The following MYO1D variants were observed in gnomAD, a reference collection of about 807,000 sequenced individuals.
The protein encoded by MYO1D is unconventional myosin-Id.
A neutral mutation model predicts 122.0 loss-of-function variants in MYO1D; 83 were observed. The observed-to-expected ratio is 0.68, with a 90% confidence interval of 0.57 to 0.82. MYO1D has a LOEUF of 0.82. Among genes scored for constraint, MYO1D ranks in the 40% least tolerant of loss-of-function variants. The pLI is 0.00. For synonymous variants in MYO1D, 464 were observed against 446.9 expected, an observed-to-expected ratio of 1.04 and a Z score of -0.48; for missense variants, 1,157 against 1,269.5, an observed-to-expected ratio of 0.91 and a Z score of 1.35.
intron 1 of MYO1D, among the ~76,000 whole-genome samples, chr17:32,842,202 G>A (rs1715969321): frequency 6.6e-6 from 1 of 152,100 alleles, no homozygotes; most frequent in South Asian, 2.1e-4. Flanking sequence ...GTTTAAGACT[G>A]GGAAGACAGG....
chr17:32,809,871 C>A (rs1022590966), intron 1 of MYO1D, among the ~76,000 whole-genome samples: 3 of 152,316 alleles, frequency 2.0e-5, no homozygotes, highest in Non-Finnish European at 2.9e-5. Context: ...GTCAGGTGAG[C>A]TAATAATCTA....
intron 8 of MYO1D, among the ~76,000 whole-genome samples, chr17:32,761,328 T>C (rs2089999882): frequency 6.6e-6 from 1 of 152,156 alleles, no homozygotes; most frequent in Non-Finnish European, 1.5e-5. Context: ...TACATCCTAT[T>C]ACTCCATTGA....
intron 14 of MYO1D, among the ~76,000 whole-genome samples, chr17:32,721,472 G>A (rs926660363): frequency 8.5e-5 from 13 of 152,154 alleles, no homozygotes; most frequent in African/African-American, 3.1e-4. Context: ...CGTAAAGATC[G>A]AGTTTCTGTG....
Position 32,629,181 on chromosome 17 carries a change from G to A in MYO1D, c.2709+9541C>T, listed in dbSNP as rs372788375. ...ACATTCTAGAAAAGGCACAACTGTA[G>A]AGACAGTAAAATGATAGTGGTTCCC... On this transcript the variant is annotated intron_variant, in intron 20 of 21. Transcript: ENST00000318217. Among the ~76,000 whole-genome samples, 18 of 152,294 alleles carry A rather than the reference G, an allele frequency of 1.2e-4. No homozygotes were observed. The South Asian group carries it at 1.2e-3, about 11-fold the overall frequency.
chr17:32,632,751 G>C (rs2088038070), intron 20 of MYO1D, among the ~76,000 whole-genome samples: 1 of 151,894 alleles, frequency 6.6e-6, no homozygotes, highest in Non-Finnish European at 1.5e-5. Context: ...GTTGGGAGGA[G>C]GTAAGACGGA....
intron 16 of MYO1D, among the ~76,000 whole-genome samples, chr17:32,697,748 T>G (rs2089191635): frequency 6.6e-6 from 1 of 152,204 alleles, no homozygotes; most frequent in Non-Finnish European, 1.5e-5. Context: ...TACTGTATCT[T>G]AGTCCACATA....
chr17:32,553,939 C>A (rs225185), intron 21 of MYO1D, among the ~76,000 whole-genome samples: 128,427 of 152,160 alleles, frequency 0.84, 54,714 homozygotes, highest in East Asian at 1. Context: ...AAAATAAGTA[C>A]GTTCTAACAT....
rs2087612693 is a variant in MYO1D at position 32,605,230 on chromosome 17, C to T, written c.2721G>A (p.Leu907=). 2 of 1,557,572 alleles carry T rather than the reference C, an allele frequency of 1.3e-6. No homozygotes were observed. The highest frequency in any genetic ancestry group is 1.8e-6 in the Non-Finnish European group (2 of 1,140,850). ...KTIPLYNLTG[L]SVSNGKDQLV... is the part of the protein sequence containing the mutation. ...GTTGGTCCTTTCCATTGGAGACACT[C>T]AGACCAGTCAACTGCAAAGAGAAAA... The change falls in exon 21 of 22, where the codon CTG becomes CTA. Residue 907 remains leucine, a synonymous_variant. Coordinates refer to ENST00000318217, the MANE Select transcript of MYO1D (RefSeq NM_015194.3).
intron 2 of MYO1D, among the ~76,000 whole-genome samples, chr17:32,780,308 T>C (rs1269818004): frequency 6.6e-6 from 1 of 152,176 alleles, no homozygotes; most frequent in Non-Finnish European, 1.5e-5. Flanking sequence ...GTGTTTGAGA[T>C]GGAAACATTT....
chr17:32,655,635 A>G (rs920532143), intron 17 of MYO1D, among the ~76,000 whole-genome samples: 2 of 152,194 alleles, frequency 1.3e-5, no homozygotes, highest in Non-Finnish European at 1.5e-5. Context: ...TTGGTGCGTC[A>G]GAGGAGCAGT....
intron 19 of MYO1D, among the ~76,000 whole-genome samples, chr17:32,640,620 C>A (rs1015140793): frequency 6.7e-6 from 1 of 150,118 alleles, no homozygotes; most frequent in Admixed American, 6.6e-5. Context: ...ATGATGATTT[C>A]CAATTTCATC....
intron 12 of MYO1D, among the ~76,000 whole-genome samples, chr17:32,747,241 T>G (rs1350168167): frequency 6.6e-6 from 1 of 152,204 alleles, no homozygotes; most frequent in Admixed American, 6.5e-5. Flanking sequence ...AGAAGATCAT[T>G]TACCTTTTTT....
At chr17:32,789,354 G>A (rs186062042) in intron 1 of MYO1D, among the ~76,000 whole-genome samples, 341 of 152,190 alleles carry the variant, frequency 2.2e-3, no homozygotes, top group African/African-American at 7.2e-3. Context: ...TAGTTCTCAC[G>A]GGGAATGCTT....
At chr17:32,869,192 C>T (rs928578974) in intron 1 of MYO1D, among the ~76,000 whole-genome samples, 10 of 151,820 alleles carry the variant, frequency 6.6e-5, no homozygotes, top group African/African-American at 2.2e-4. Context: ...GCACTCCAGC[C>T]TGGGCAACAG....
intron 8 of MYO1D, among the ~76,000 whole-genome samples, chr17:32,763,185 C>CA (rs72030561): frequency 0.05 from 6,678 of 134,012 alleles, 464 homozygotes; most frequent in African/African-American, 0.16. Context: ...GACTCCATCT[C>CA]AAAAAAAAAA....
intron 21 of MYO1D, among the ~76,000 whole-genome samples, chr17:32,587,386 C>A (rs2087397842): frequency 1.3e-5 from 2 of 152,128 alleles, no homozygotes; most frequent in Non-Finnish European, 1.5e-5. Flanking sequence ...GTGGTGGGCA[C>A]CTGTAATCCC....
rs2087612885 is a variant in MYO1D, at chr17:32,605,248, A to G, written c.2710-7T>C. ...AGACACTCAGACCAGTCAACTGCAA[A>G]GAGAAAATGCATGGAAAACTATTTG... On this transcript the variant is annotated splice_region_variant and splice_polypyrimidine_tract_variant and intron_variant, in intron 20 of 21. Coordinates refer to ENST00000318217, the MANE Select transcript of MYO1D (RefSeq NM_015194.3). 3.3e-6 allele frequency: 5 copies of G among 1,538,316 alleles called. No homozygotes were observed. The East Asian group carries it at 9.2e-5, about 28-fold the overall frequency.
chr17:32,520,050 A>G (rs1040976787), intron 21 of MYO1D, among the ~76,000 whole-genome samples: 31 of 152,172 alleles, frequency 2.0e-4, no homozygotes, highest in African/African-American at 7.2e-4. Context: ...GCTTTACGTG[A>G]CACTTTTCCT....
At chr17:32,559,630 C>T (rs891371048) in intron 21 of MYO1D, among the ~76,000 whole-genome samples, 4 of 152,308 alleles carry the variant, frequency 2.6e-5, no homozygotes, top group Non-Finnish European at 5.9e-5. Flanking sequence ...ATTCTGGTTC[C>T]GGAGGCTGCC....
Sources: gnomAD v4.1 joint callset for allele counts (sites outside exome capture counted in the v4.1 genomes callset) on GRCh38, gnomAD v4.1.1 for gene constraint, MANE v1.5 for transcripts, NCBI Gene and HGNC (gene_info 2026-07-23, HGNC 2026-07-21) for gene names.